EFHC1: variants seen among roughly 807,000 people sequenced by gnomAD.
EFHC1 encodes EF-hand domain-containing protein 1.
Under a neutral mutation model 69.9 loss-of-function variants are expected in EFHC1, and 53 were observed. The ratio of observed to expected loss-of-function variants is 0.76; its 90% CI spans 0.61 to 0.95. The LOEUF (loss-of-function observed/expected upper bound fraction) is 0.95. Among genes scored for constraint, EFHC1 ranks in the 40% least tolerant of loss-of-function variants. The pLI is 0.00. For synonymous variants in EFHC1, 256 were observed against 278.4 expected, an observed-to-expected ratio of 0.92 and a Z score of 0.80; for missense variants, 739 against 798.7, an observed-to-expected ratio of 0.93 and a Z score of 0.90.
intron 5 of EFHC1, among the ~76,000 whole-genome samples, chr6:52,459,698 G>T (rs2104333): frequency 0.075 from 11,382 of 151,630 alleles, 882 homozygotes; most frequent in African/African-American, 0.2. Context: ...TTTTTGAGAC[G>T]GAGTCTCGCT....
intron 5 of EFHC1, among the ~76,000 whole-genome samples, chr6:52,461,205 ATCT>A (rs1350255609): frequency 1.3e-5 from 2 of 151,980 alleles, no homozygotes; most frequent in Non-Finnish European, 2.9e-5. Flanking sequence ...ATTTTTCCTG[ATCT>A]TCTCCCTCCT....
At chr6:52,490,540 G>T in intron 10 of EFHC1, 190 bp downstream of exon 10, 1 of 628,878 alleles carries the variant, frequency 1.6e-6, no homozygotes, top group South Asian at 1.9e-5. Context: ...AATTGCTGTT[G>T]CAGGGCATCT....
At chr6:52,453,621 CCAA>C in intron 4 of EFHC1, 1 of 1,125,682 alleles carries the variant, frequency 8.9e-7, no homozygotes, top group Non-Finnish European at 1.1e-6. Context: ...AGAAGCCTAG[CCAA>C]AAAAAAAAAA....
intron 5 of EFHC1, among the ~76,000 whole-genome samples, chr6:52,456,110 A>G (rs1765038876): frequency 6.6e-6 from 1 of 152,168 alleles, no homozygotes; most frequent in African/African-American, 2.4e-5. Context: ...AGGGAGTGAA[A>G]ATTGTCATCA....
chr6:52,440,173 T>G (rs972492923), intron 3 of EFHC1, among the ~76,000 whole-genome samples: 4 of 152,086 alleles, frequency 2.6e-5, no homozygotes, highest in African/African-American at 9.7e-5. Context: ...AGGGTTAGGT[T>G]CCCACTAATC....
Position 52,447,622 on chromosome 6 carries a change from C to T in EFHC1, c.574-5066C>T, listed in dbSNP as rs1052196164. Among the ~76,000 whole-genome samples, 29 of 152,206 alleles carry T rather than the reference C, an allele frequency of 1.9e-4. No homozygotes were observed. The East Asian group carries it at 1.9e-3, about 10-fold the overall frequency. On this transcript the variant is annotated intron_variant, in intron 3 of 10. Transcript: ENST00000371068. ...TTGTTCCATTGCTGGCGAGGAGCTG[C>T]GTTCCTTTGGAGGAGAAGAGGCACT...
chr6:52,468,871 T>C (rs1476703341), intron 6 of EFHC1: 1 of 183,268 alleles, frequency 5.5e-6, no homozygotes. Context: ...TAGTACGCCG[T>C]AGACAAATTT....
chr6:52,443,337 G>A (rs1397616259), intron 3 of EFHC1, among the ~76,000 whole-genome samples: 1 of 152,174 alleles, frequency 6.6e-6, no homozygotes, highest in Non-Finnish European at 1.5e-5. Context: ...ATTGCTTTTG[G>A]TGTTTTAGTC....
intron 3 of EFHC1, among the ~76,000 whole-genome samples, chr6:52,451,751 A>G (rs1764921664): frequency 6.6e-6 from 1 of 152,044 alleles, no homozygotes; most frequent in South Asian, 2.1e-4. Context: ...TTGCTTTCTC[A>G]CTGTCCCTTT....
rs557076902 is a variant in EFHC1 at position 52,495,454 on chromosome 6, A to T, written c.*3113A>T. Reference sequence around the variant, plus strand: ...TGGGCTACTCCTTAACAAATCATTCATGGATCGGCAGCAAATCTGCAACAT... The same window carrying T: ...TGGGCTACTCCTTAACAAATCATTCTTGGATCGGCAGCAAATCTGCAACAT... On this transcript the variant is annotated 3_prime_UTR_variant, in exon 11 of 11. Coordinates refer to ENST00000371068, the MANE Select transcript of EFHC1 (RefSeq NM_018100.4). The T allele has an allele frequency of 1.5e-5, 7 of 454,104 alleles. No individual in the cohort carries two copies. The East Asian group carries it at 4.2e-4, about 27-fold the overall frequency. The allele number at this position is 454,104 out of a possible 1,614,324, so 28.1% of individuals were successfully genotyped here.
intron 5 of EFHC1, among the ~76,000 whole-genome samples, chr6:52,457,682 C>T (rs1371102489): frequency 3.9e-5 from 6 of 152,162 alleles, no homozygotes; most frequent in Non-Finnish European, 7.4e-5. Context: ...CATCTTTTGA[C>T]TTAACAAAAG....
intron 8 of EFHC1, 143 bp downstream of exon 8, chr6:52,479,393 T>A: frequency 9.5e-7 from 1 of 1,057,682 alleles, no homozygotes; most frequent in Non-Finnish European, 1.4e-6. Flanking sequence ...TATGGTATAA[T>A]GTGTTAATCG....
chr6:52,465,921 C>T (rs1765297574), intron 6 of EFHC1, among the ~76,000 whole-genome samples: 1 of 148,918 alleles, frequency 6.7e-6, no homozygotes, highest in South Asian at 2.1e-4. Context: ...TATGATAGGA[C>T]ACATCATAAT....
At chr6:52,450,656 G>A (rs376674166) in intron 3 of EFHC1, among the ~76,000 whole-genome samples, 1 of 152,004 alleles carries the variant, frequency 6.6e-6, no homozygotes, top group Non-Finnish European at 1.5e-5. Context: ...CATCTGCTTG[G>A]TAGATTTTCT....
Position 52,465,158 on chromosome 6 carries a change from T to C in EFHC1, c.1137+43T>C, listed in dbSNP as rs771054427. 9.6e-6 allele frequency: 15 copies of C among 1,560,292 alleles called. No homozygotes were observed. The African/African-American group carries it at 2.0e-4, about 21-fold the overall frequency. On this transcript the variant is annotated intron_variant, in intron 6 of 10. Transcript: ENST00000371068. ...CTTAGTGTGGTGAGAAAACTAATTTTTTGAGGTAGAAATTTAAGAAAAAAA... is the reference window on the plus strand; with the variant it reads ...CTTAGTGTGGTGAGAAAACTAATTTCTTGAGGTAGAAATTTAAGAAAAAAA...
At position 52,438,401 on chromosome 6, in the gene EFHC1, A is replaced by G; in HGVS notation, c.383A>G (p.Asp128Gly). 6.2e-7 allele frequency: 1 copy of G among 1,614,046 alleles called. No homozygotes were observed. Among genetic ancestry groups the G allele is most frequent in the Non-Finnish European group, 8.5e-7 (1 of 1,179,974 alleles). The change falls in exon 3 of 11, where the codon GAT becomes GGT. Residue 128 changes from aspartate (D) to glycine (G), a missense_variant. Transcript: ENST00000371068. ...GTGAACATTTACTATTATCTAGAAGATGACAGCATGTCTGTCATAGAGCCT... is the reference window on the plus strand; with the variant it reads ...GTGAACATTTACTATTATCTAGAAGGTGACAGCATGTCTGTCATAGAGCCT... ...RQVNIYYYLE[D>G]DSMSVIEPVV...
At position 52,492,523 on chromosome 6, in the gene EFHC1, A is replaced by G. The variant is rs542339943; in HGVS notation, c.*182A>G. The G allele has an allele frequency of 1.4e-6, 1 of 712,378 alleles. No homozygotes were observed. The highest frequency in any genetic ancestry group is 2.7e-5 in the East Asian group (1 of 36,700). The allele number at this position is 712,378 out of a possible 1,614,324, so 44.1% of individuals were successfully genotyped here. A position where few individuals can be genotyped will look rare whatever the true frequency, so the allele number is the denominator to read the frequency against. On this transcript the variant is annotated 3_prime_UTR_variant, in exon 11 of 11. Transcript: ENST00000371068. ...TAATAGGATCTAAGATTGGTGCCTT[A>G]TTTAGGGTGATAGGGGTATAGCAAT... is the stretch of plus-strand genomic sequence containing the variant.
At chr6:52,434,358 C>T (rs1022384442) in intron 2 of EFHC1, among the ~76,000 whole-genome samples, 5 of 152,138 alleles carry the variant, frequency 3.3e-5, no homozygotes, top group Non-Finnish European at 7.4e-5. Flanking sequence ...GGACTTTTCC[C>T]GCTGCTTCCT....
rs143538447 is a variant in EFHC1 at position 52,435,309 on chromosome 6, A to G, written c.286-2995A>G. 3.3e-3 allele frequency among the ~76,000 whole-genome samples: 499 copies of G among 152,288 alleles called. 6 individuals carry two copies. The highest frequency in any genetic ancestry group is 0.011 in the African/African-American group (474 of 41,546). The stretch of plus-strand genomic sequence containing the variant: ...TTCATATCAATTTGATAGTAATTCT[A>G]TGCTTTCAGTTGCTTGGCCAAAAAT... On this transcript the variant is annotated intron_variant, in intron 2 of 10. Coordinates refer to ENST00000371068, the MANE Select transcript of EFHC1 (RefSeq NM_018100.4).
Sources: gnomAD v4.1 joint callset for allele counts (sites outside exome capture counted in the v4.1 genomes callset) on GRCh38, gnomAD v4.1.1 for gene constraint, MANE v1.5 for transcripts, NCBI Gene and HGNC (gene_info 2026-07-23, HGNC 2026-07-21) for gene names.